The following ACOT6 variants were observed in gnomAD, a reference collection of about 807,000 sequenced individuals.
ACOT6 encodes the protein acyl-coenzyme A thioesterase 6.
ACOT6 carries 14 observed loss-of-function variants against 12.3 expected under a neutral mutation model. That is an observed-to-expected ratio of 1.14 (90% CI 0.75 to 1.78). ACOT6 has a LOEUF of 1.78. ACOT6 is among the 40% of genes most tolerant of loss of function. ACOT6 has a pLI of 0.00. For missense variants in ACOT6, 523 were observed against 551.8 expected (o/e 0.95, Z 0.52); for synonymous variants, 218 against 231.3 (o/e 0.94, Z 0.52).
Position 73,615,405 on chromosome 14 carries a change from A to C in ACOT6, c.462-1589A>C, listed in dbSNP as rs1466914791. 2.3e-3 allele frequency among the ~76,000 whole-genome samples: 179 copies of C among 76,592 alleles called. 1 individual carries two copies. Among genetic ancestry groups the C allele is most frequent in the African/African-American group, 6.1e-3 (152 of 24,992 alleles). The allele number at this position is 76,592 out of a possible 152,430, so 50.2% of individuals were successfully genotyped here. A position where few individuals can be genotyped will look rare whatever the true frequency, so the allele number is the denominator to read the frequency against. ...CTGTCTGATAAAAAAAAAAAAAAAAAAACAAAAAACAAAAAAAACCAGCAA... is the reference window on the plus strand; with the variant it reads ...CTGTCTGATAAAAAAAAAAAAAAAACAACAAAAAACAAAAAAAACCAGCAA... On this transcript the variant is annotated intron_variant, in intron 1 of 2. Transcript: ENST00000645972.
chr14:73,615,193 C>T (rs1230057925), intron 1 of ACOT6, among the ~76,000 whole-genome samples: 5 of 150,698 alleles, frequency 3.3e-5, no homozygotes, highest in African/African-American at 1.2e-4. Context: ...CAAGACCAGC[C>T]TGGCCAAGAT....
Position 73,612,860 on chromosome 14 carries a change from G to A in ACOT6, c.289G>A (p.Asp97Asn). The A allele has an allele frequency of 7.1e-7, 1 of 1,405,692 alleles. No individual in the cohort carries two copies. The highest frequency in any genetic ancestry group is 1.5e-5 in the African/African-American group (1 of 66,858). 87.1% of individuals were successfully genotyped at this position (1,405,692 alleles called of 1,614,324 possible). A position where few individuals can be genotyped will look rare whatever the true frequency, so the allele number is the denominator to read the frequency against. The change falls in exon 1 of 3, where the codon GAC becomes AAC. Residue 97 changes from aspartate to asparagine, a missense_variant. Transcript: ENST00000645972. ...AGCCTTGGTGCGGCTGGTGAAGCGC[G>A]ACGTGCGGACGCCCTTCGCCGTGGA... The part of the protein sequence containing the change: ...EKALVRLVKR[D>N]VRTPFAVELE...
Position 73,615,401 on chromosome 14 carries a change from A to ACAAAAAAC in ACOT6, c.462-1593_462-1592insCAAAAAAC, listed in dbSNP as rs1427927678. 1.4e-4 allele frequency among the ~76,000 whole-genome samples: 13 copies of ACAAAAAAC among 93,682 alleles called. 1 individual carries two copies. The highest frequency in any genetic ancestry group is 3.0e-4 in the Non-Finnish European group (13 of 43,326). The allele number at this position is 93,682 out of a possible 152,430, so 61.5% of individuals were successfully genotyped here. On this transcript the variant is annotated intron_variant, in intron 1 of 2. Coordinates refer to ENST00000645972, the MANE Select transcript of ACOT6 (RefSeq NM_001365788.1). ...GACTCTGTCTGATAAAAAAAAAAAAAAAAAAACAAAAAACAAAAAAAACCA... is the reference window on the plus strand; with the variant it reads ...GACTCTGTCTGATAAAAAAAAAAAAACAAAAAACAAAAAACAAAAAACAAAAAAAACCA...
intron 2 of ACOT6, among the ~76,000 whole-genome samples, chr14:73,617,679 A>C (rs1486379542): frequency 1.3e-5 from 2 of 152,128 alleles, no homozygotes; most frequent in African/African-American, 4.8e-5. Context: ...ATTAATGTAA[A>C]TGTATATAGA....
chr14:73,611,404 G>A (rs1410069384), upstream of ACOT6: 4 of 152,210 alleles, frequency 2.6e-5, no homozygotes, highest in African/African-American at 9.7e-5. Context: ...CCCTTCCCTT[G>A]AACCTTCAGA....
chr14:73,616,420 C>T (rs1424539401), intron 1 of ACOT6, among the ~76,000 whole-genome samples: 2 of 151,840 alleles, frequency 1.3e-5, no homozygotes, highest in Non-Finnish European at 1.5e-5. Context: ...AGGCCGGTTG[C>T]GGTGGCTCAC....
intron 1 of ACOT6, among the ~76,000 whole-genome samples, chr14:73,614,672 G>A (rs148543698): frequency 0.021 from 3,107 of 151,450 alleles, 59 homozygotes; most frequent in Non-Finnish European, 0.03. Context: ...GCTTGAACCC[G>A]GGAGGCTGAG....
chr14:73,611,831 T>G (rs117560291), upstream of ACOT6, among the ~76,000 whole-genome samples: 386 of 152,246 alleles, frequency 2.5e-3, 13 homozygotes, highest in East Asian at 0.055. Context: ...CAGGTACCAT[T>G]AGCCCTGGAA....
rs953260403 is a variant in ACOT6, at chr14:73,612,974, C to T, written c.403C>T (p.Arg135Trp). The T allele has an allele frequency of 1.7e-6, 2 of 1,146,724 alleles. No homozygotes were observed. Among genetic ancestry groups the T allele is most frequent in the Non-Finnish European group, 2.3e-6 (2 of 859,176 alleles). The allele number at this position is 1,146,724 out of a possible 1,614,324, so 71.0% of individuals were successfully genotyped here. A position where few individuals can be genotyped will look rare whatever the true frequency, so the allele number is the denominator to read the frequency against. ...NKRDFLRPGV[R>W]REPVRAGPVR... Reference sequence around the variant, plus strand: ...GCGCGACTTTCTCCGGCCGGGGGTGCGGCGCGAGCCGGTGCGCGCGGGCCC... The same window carrying T: ...GCGCGACTTTCTCCGGCCGGGGGTGTGGCGCGAGCCGGTGCGCGCGGGCCC... Residue 135 changes from arginine to tryptophan, a missense_variant, in exon 1 of 3, where the codon CGG (arginine) becomes TGG (tryptophan). This residue lies in a region of ACOT6 where 304 missense variants were observed against 274.8 expected (regional missense o/e 1.11). Transcript: ENST00000645972.
chr14:73,616,313 ATATTATTAT>A (rs529742212), intron 1 of ACOT6, among the ~76,000 whole-genome samples: 2 of 151,494 alleles, frequency 1.3e-5, no homozygotes, highest in African/African-American at 2.4e-5. Context: ...TGTGAAAATA[ATATTATTAT>A]TATTATTATT....
chr14:73,619,793 A>G lies in ACOT6; in HGVS notation c.1220A>G (p.His407Arg), dbSNP rs770946468. The G allele has an allele frequency of 1.2e-6, 2 of 1,611,634 alleles. No homozygotes were observed. Among genetic ancestry groups the G allele is most frequent in the South Asian group, 1.1e-5 (1 of 90,522 alleles). The change falls in exon 3 of 3, where the codon CAT becomes CGT. Residue 407 changes from histidine to arginine, a missense_variant. Coordinates refer to ENST00000645972, the MANE Select transcript of ACOT6 (RefSeq NM_001365788.1). ...DAWQQIQTFF[H>R]KHLNGKKSVK... ...TGGCAGCAAATTCAAACTTTCTTCC[A>G]TAAACATCTCAATGGTAAAAAATCT... is the stretch of plus-strand genomic sequence containing the variant.
At chr14:73,615,169 C>T (rs544947876) in intron 1 of ACOT6, among the ~76,000 whole-genome samples, 217 of 147,848 alleles carry the variant, frequency 1.5e-3, no homozygotes, top group Non-Finnish European at 2.7e-3. Context: ...GGGTGGATCA[C>T]GAGGTCAGGA....
intron 1 of ACOT6, among the ~76,000 whole-genome samples, chr14:73,615,402 AAAAAACAAAAAAC>A (rs1303358446): frequency 6.3e-5 from 5 of 79,846 alleles, no homozygotes; most frequent in South Asian, 5.5e-4. Flanking sequence ...AAAAAAAAAA[AAAAAACAAAAAAC>A]AAAAAAAACC....
chr14:73,616,996 G>A lies in ACOT6; in HGVS notation c.464G>A (p.Gly155Glu). The A allele has an allele frequency of 1.5e-6, 1 of 689,276 alleles. No homozygotes were observed. Among genetic ancestry groups the A allele is most frequent in the Non-Finnish European group, 2.6e-6 (1 of 389,968 alleles). The allele number at this position is 689,276 out of a possible 1,614,324, so 42.7% of individuals were successfully genotyped here. Reference sequence around the variant, plus strand: ...GATTTGTGATGTTCTCCAGGCAGGGGGCCCTTTCCTGGGATCATTGATCTG... The same window carrying A: ...GATTTGTGATGTTCTCCAGGCAGGGAGCCCTTTCCTGGGATCATTGATCTG... ...RAALFLPPDE[G>E]PFPGIIDLFG... The change falls in exon 2 of 3, where the codon GGG becomes GAG. Residue 155 changes from glycine (G) to glutamate (E), a missense_variant and splice_region_variant. Around this residue, in one of 2 missense-constraint regions of ACOT6, gnomAD observed 304 missense variants for 274.8 expected, o/e 1.11. Transcript: ENST00000645972.
chr14:73,611,238 C>T (rs749817090), upstream of ACOT6, among the ~76,000 whole-genome samples: 2 of 152,250 alleles, frequency 1.3e-5, no homozygotes, highest in Non-Finnish European at 2.9e-5. Context: ...CTGCTATGTT[C>T]CCAGCTAGGT....
Position 73,612,733 on chromosome 14 carries a change from C to T in ACOT6, c.162C>T (p.Ala54=). 7.3e-7 allele frequency: 1 copy of T among 1,371,906 alleles called. No individual in the cohort carries two copies. The highest frequency in any genetic ancestry group is 9.3e-7 in the Non-Finnish European group (1 of 1,070,910). 85.0% of individuals were successfully genotyped at this position (1,371,906 alleles called of 1,614,324 possible). A position where few individuals can be genotyped will look rare whatever the true frequency, so the allele number is the denominator to read the frequency against. The change falls in exon 1 of 3, where the codon GCC becomes GCT. Residue 54 remains alanine, a synonymous_variant. Coordinates refer to ENST00000645972, the MANE Select transcript of ACOT6 (RefSeq NM_001365788.1). ...TCCGGGCCCACGCGCGCTACCGTGC[C>T]GACGCCCGCGACGAGCTGGACCTGG... is the stretch of plus-strand genomic sequence containing the variant. The part of the protein sequence containing the change: ...ALFRAHARYR[A]DARDELDLER...
At position 73,619,232 on chromosome 14, in the gene ACOT6, A is replaced by AG; in HGVS notation, c.661dup. 1 of 1,545,672 alleles carries AG rather than the reference A, an allele frequency of 6.5e-7. No homozygotes were observed. ...TGTTTTCCTTCTCTTTTTCCTCAAC[A>AG]GGTGAAAGGTCCTAGTATTGCGCTT... On this transcript the variant is annotated splice_acceptor_variant, in intron 2 of 2. Coordinates refer to ENST00000645972, the MANE Select transcript of ACOT6 (RefSeq NM_001365788.1). LOFTEE classifies it high-confidence loss of function.
In ACOT6 at chr14:73,612,895, G is replaced by A; in HGVS notation, c.324G>A (p.Val108=). Residue 108 remains valine, a synonymous_variant, in exon 1 of 3, where the codon GTG becomes GTA. Transcript: ENST00000645972. ...CGCCCTTCGCCGTGGAGCTGGAAGT[G>A]CTGGACGGCCACGACACCGAGCCCG... ...VRTPFAVELE[V]LDGHDTEPGR... is the part of the protein sequence containing the mutation. 5 of 1,381,114 alleles carry A rather than the reference G, an allele frequency of 3.6e-6. No homozygotes were observed. In the South Asian group the frequency reaches 4.1e-5, roughly 11 times the overall value. 85.6% of individuals were successfully genotyped at this position (1,381,114 alleles called of 1,614,324 possible).
upstream of ACOT6, chr14:73,612,484 C>G (rs532823361): frequency 1.1e-6 from 1 of 925,486 alleles, no homozygotes; most frequent in Non-Finnish European, 1.5e-6. Context: ...GGGCTCCGCC[C>G]TCGACTACTT....
Sources: allele counts gnomAD v4.1 joint callset (sites outside exome capture counted in the v4.1 genomes callset), GRCh38; gene constraint gnomAD v4.1.1; regional missense constraint gnomAD v4.1.1; transcripts MANE v1.5; gene names NCBI Gene and HGNC (gene_info 2026-07-23, HGNC 2026-07-21).